TRPM3: variants seen among roughly 807,000 people sequenced by gnomAD.
TRPM3 encodes transient receptor potential cation channel subfamily M member 3.
Under a neutral mutation model 181.2 loss-of-function variants are expected in TRPM3, and 77 were observed. The ratio of observed to expected loss-of-function variants is 0.42; its 90% CI spans 0.35 to 0.51. TRPM3 has a LOEUF of 0.51. Among genes scored for constraint, TRPM3 ranks in the 20% least tolerant of loss-of-function variants. The pLI, the probability that TRPM3 is intolerant of heterozygous loss-of-function variation, is 0.01. For missense variants in TRPM3, 1,759 were observed against 2,196.7 expected (o/e 0.80, Z 3.98); for synonymous variants, 745 against 796.4 (o/e 0.94, Z 1.09).
intron 1 of TRPM3, among the ~76,000 whole-genome samples, chr9:71,272,875 AT>A (rs879522122): frequency 0.016 from 2,328 of 142,672 alleles, 11 homozygotes; most frequent in African/African-American, 0.017. Flanking sequence ...GAAAGCGGTA[AT>A]TTTTTTTTTT....
intron 1 of TRPM3, among the ~76,000 whole-genome samples, chr9:71,429,886 G>A (rs755475457): frequency 9.9e-5 from 15 of 151,962 alleles, no homozygotes; most frequent in South Asian, 6.2e-4. Context: ...CCCCTGCCTC[G>A]GGACACTTGT....
At chr9:71,005,139 T>C (rs1198702889) in intron 1 of TRPM3, among the ~76,000 whole-genome samples, 1 of 152,148 alleles carries the variant, frequency 6.6e-6, no homozygotes, top group Non-Finnish European at 1.5e-5. Flanking sequence ...CCAGGCACAG[T>C]GGCTCATGCC....
At position 70,862,870 on chromosome 9, in the gene TRPM3, G is replaced by A. The variant is rs370519682; in HGVS notation, c.462+38C>T. ...CCCCTTTGCAGGACTTGAGACTTGAGATAGCATTTGGGAGCAACTGAATGG... is the reference window on the plus strand; with the variant it reads ...CCCCTTTGCAGGACTTGAGACTTGAAATAGCATTTGGGAGCAACTGAATGG... On this transcript the variant is annotated intron_variant, in intron 3 of 25. Transcript: ENST00000677713. 2.8e-5 allele frequency: 45 copies of A among 1,600,936 alleles called. No individual in the cohort carries two copies. The South Asian group carries it at 4.5e-4, about 16-fold the overall frequency.
chr9:70,561,097 C>A (rs2048950883), intron 22 of TRPM3, among the ~76,000 whole-genome samples: 1 of 152,128 alleles, frequency 6.6e-6, no homozygotes, highest in African/African-American at 2.4e-5. Flanking sequence ...AAAGCTCAGT[C>A]CAAATCACAA....
chr9:71,162,550 C>A (rs2134716778), intron 1 of TRPM3, among the ~76,000 whole-genome samples: 1 of 152,080 alleles, frequency 6.6e-6, no homozygotes, highest in Non-Finnish European at 1.5e-5. Context: ...AGCAAGAAAA[C>A]AACGGTCCTC....
At chr9:71,225,566 C>T (rs956240155) in intron 1 of TRPM3, among the ~76,000 whole-genome samples, 15 of 152,154 alleles carry the variant, frequency 9.9e-5, no homozygotes, top group Admixed American at 5.9e-4. Context: ...AATAAGTACA[C>T]ACAAAACACA....
chr9:71,070,265 G>A (rs941865960), intron 1 of TRPM3, among the ~76,000 whole-genome samples: 2 of 152,160 alleles, frequency 1.3e-5, no homozygotes, highest in Non-Finnish European at 2.9e-5. Context: ...CATGCGGCAG[G>A]GTTTCTGCAT....
chr9:70,580,596 A>C (rs2055381185), intron 22 of TRPM3, among the ~76,000 whole-genome samples: 1 of 152,168 alleles, frequency 6.6e-6, no homozygotes, highest in East Asian at 1.9e-4. Flanking sequence ...AGGACACCTC[A>C]TATCTCCGTT....
chr9:71,202,740 G>A (rs888711963), intron 1 of TRPM3, among the ~76,000 whole-genome samples: 1 of 152,118 alleles, frequency 6.6e-6, no homozygotes, highest in Non-Finnish European at 1.5e-5. Context: ...GGCTGCACAG[G>A]TCTGAATGCC....
At chr9:71,050,869 T>C (rs959073978) in intron 1 of TRPM3, among the ~76,000 whole-genome samples, 3 of 151,982 alleles carry the variant, frequency 2.0e-5, no homozygotes, top group African/African-American at 7.3e-5. Context: ...TTAGTCCAGA[T>C]GCATTTATAA....
intron 25 of TRPM3, among the ~76,000 whole-genome samples, chr9:70,548,357 G>A (rs1459938350): frequency 2.6e-5 from 4 of 152,140 alleles, no homozygotes; most frequent in East Asian, 1.9e-4. Context: ...GCTGAGTACC[G>A]ATGGATACTA....
At chr9:71,020,809 T>C (rs1196665111) in intron 1 of TRPM3, among the ~76,000 whole-genome samples, 2 of 152,188 alleles carry the variant, frequency 1.3e-5, no homozygotes, top group African/African-American at 4.8e-5. Flanking sequence ...GGAATACTGT[T>C]CAACAATATC....
At chr9:71,210,151 G>A (rs2079397673) in intron 1 of TRPM3, among the ~76,000 whole-genome samples, 1 of 152,266 alleles carries the variant, frequency 6.6e-6, no homozygotes, top group Non-Finnish European at 1.5e-5. Flanking sequence ...CAGATCAGCT[G>A]CAGCATTAGG....
At chr9:71,277,714 T>C (rs1169277795) in intron 1 of TRPM3, among the ~76,000 whole-genome samples, 3 of 152,212 alleles carry the variant, frequency 2.0e-5, no homozygotes, top group Non-Finnish European at 4.4e-5. Flanking sequence ...ATAATTTGAC[T>C]CTTCTCATGG....
intron 1 of TRPM3, among the ~76,000 whole-genome samples, chr9:70,997,460 G>T (rs2097550867): frequency 6.6e-6 from 1 of 152,194 alleles, no homozygotes; most frequent in African/African-American, 2.4e-5. Flanking sequence ...CTCCCAAAGT[G>T]CTAGGATTAC....
intron 1 of TRPM3, among the ~76,000 whole-genome samples, chr9:71,369,971 TATC>T (rs1440679574): frequency 1.6e-4 from 25 of 152,202 alleles, no homozygotes. Context: ...TTATTAATAT[TATC>T]ATATCTGTTA....
Position 70,693,904 on chromosome 9 carries a change from G to T in TRPM3, c.1273-12326C>A, listed in dbSNP as rs527421277. ...GGATTTTCTGATTACTTTAGGAAAAGATACATTTTACTTCTTCTTCCCTTC... is the reference window on the plus strand; with the variant it reads ...GGATTTTCTGATTACTTTAGGAAAATATACATTTTACTTCTTCTTCCCTTC... On this transcript the variant is annotated intron_variant, in intron 8 of 25. Transcript: ENST00000677713. Among the ~76,000 whole-genome samples the T allele has an allele frequency of 2.6e-5, 4 of 152,336 alleles. No homozygotes were observed. The East Asian group carries it at 7.7e-4, about 29-fold the overall frequency.
At chr9:70,765,826 A>C (rs2079006859) in intron 7 of TRPM3, among the ~76,000 whole-genome samples, 1 of 152,062 alleles carries the variant, frequency 6.6e-6, no homozygotes, top group African/African-American at 2.4e-5. Context: ...AGTGATTTAA[A>C]ATTTTTTACT....
chr9:71,370,475 T>G (rs1315756012), intron 1 of TRPM3, among the ~76,000 whole-genome samples: 1 of 148,922 alleles, frequency 6.7e-6, no homozygotes, highest in East Asian at 1.9e-4. Flanking sequence ...GTGGTCTGGA[T>G]AGAAAAAAAA....
Sources: gnomAD v4.1 joint callset for allele counts (sites outside exome capture counted in the v4.1 genomes callset) on GRCh38, gnomAD v4.1.1 for gene constraint, MANE v1.5 for transcripts, NCBI Gene and HGNC (gene_info 2026-07-23, HGNC 2026-07-21) for gene names.